Variants in RGS9 observed in about 807,000 individuals in gnomAD.
The protein encoded by RGS9 is regulator of G-protein signalling 9.
In RGS9, 78 loss-of-function variants were observed where a neutral mutation model predicts 102.0. That is an observed-to-expected ratio of 0.76 (90% CI 0.64 to 0.92). The LOEUF is 0.92. Ranked by LOEUF, RGS9 falls within the 40% of genes least tolerant of loss-of-function variation. The probability of loss-of-function intolerance (pLI) is 0.00; values close to 1 mark genes in which losing one functional copy is unlikely to be tolerated. For synonymous variants in RGS9, 353 were observed against 318.6 expected (o/e 1.11, Z -1.15); for missense variants, 833 against 866.1 (o/e 0.96, Z 0.48).
chr17:65,146,086 T>A (rs1193680226), intron 1 of RGS9, among the ~76,000 whole-genome samples: 8 of 152,288 alleles, frequency 5.3e-5, no homozygotes, highest in East Asian at 1.9e-4. Flanking sequence ...GATTTTTTTT[T>A]AAATGCAAAG....
At chr17:65,214,089 G>A (rs1021736646) in intron 17 of RGS9, among the ~76,000 whole-genome samples, 12 of 152,138 alleles carry the variant, frequency 7.9e-5, no homozygotes, top group African/African-American at 2.4e-4. Context: ...AGCTTCCCAG[G>A]TAGCTGGGAC....
At position 65,189,268 on chromosome 17, in the gene RGS9, TG is replaced by T; in HGVS notation, c.655-17del. ...TTTCATGACATCTGCCTAACGGTTT[TG>T]TTTCTTTGTCTTACAGAAACAAACA... On this transcript the variant is annotated splice_polypyrimidine_tract_variant and intron_variant, in intron 9 of 18. Coordinates refer to ENST00000262406, the MANE Select transcript of RGS9 (RefSeq NM_003835.4). 6.2e-7 allele frequency: 1 copy of T among 1,608,672 alleles called. No individual in the cohort carries two copies.
chr17:65,168,040 TA>T (rs141412481), intron 7 of RGS9, among the ~76,000 whole-genome samples, 159 bp from the exon 8 acceptor site: 8,945 of 152,180 alleles, frequency 0.059, 457 homozygotes, highest in African/African-American at 0.14. Flanking sequence ...TGCTAGTACT[TA>T]AGTGAGATGT....
chr17:65,194,178 T>C (rs527749541), intron 12 of RGS9, among the ~76,000 whole-genome samples: 1 of 152,360 alleles, frequency 6.6e-6, no homozygotes, highest in African/African-American at 2.4e-5. Flanking sequence ...CGAGCTTTTT[T>C]CACTTAGCAT....
chr17:65,188,259 C>T (rs1912210599), intron 9 of RGS9, among the ~76,000 whole-genome samples: 1 of 152,108 alleles, frequency 6.6e-6, no homozygotes, highest in Admixed American at 6.5e-5. Flanking sequence ...ACATGAAGCC[C>T]CTCTTGGAAC....
intron 17 of RGS9, among the ~76,000 whole-genome samples, chr17:65,221,565 A>C (rs1027441089): frequency 2.0e-5 from 3 of 152,230 alleles, no homozygotes; most frequent in Non-Finnish European, 4.4e-5. Flanking sequence ...CTATTGCTGC[A>C]TAACAATGAC....
intron 1 of RGS9, among the ~76,000 whole-genome samples, chr17:65,152,148 G>A (rs995341083): frequency 5.9e-5 from 9 of 152,228 alleles, no homozygotes; most frequent in Non-Finnish European, 1.2e-4. Context: ...GGCCTCCTGA[G>A]ACCATCAGAA....
In RGS9 at chr17:65,160,600, GC is replaced by G; in HGVS notation, c.364+17del. On this transcript the variant is annotated intron_variant, in intron 5 of 18. Transcript: ENST00000262406. ...GATACCGATTACGGTAAATACTTCA[GC>G]CCCAACTATGCCTTTGGTAGTGCTT... 6.2e-7 allele frequency: 1 copy of G among 1,613,922 alleles called. No homozygotes were observed. Among genetic ancestry groups the G allele is most frequent in the Non-Finnish European group, 8.5e-7 (1 of 1,179,794 alleles).
In RGS9 at chr17:65,225,195, C is replaced by G; in HGVS notation, c.1601C>G (p.Ser534Trp). 2 of 1,613,318 alleles carry G rather than the reference C, an allele frequency of 1.2e-6. No individual in the cohort carries two copies. Among genetic ancestry groups the G allele is most frequent in the Non-Finnish European group, 1.7e-6 (2 of 1,180,026 alleles). The change falls in exon 18 of 19, where the codon TCG becomes TGG. Residue 534 changes from serine to tryptophan, a missense_variant. Physicochemically the swap from Ser to Trp is radical, Grantham distance 177 (BLOSUM62 -3). Transcript: ENST00000262406. Reference protein sequence around the residue: ...SPIRVALESSSGLEQKGECSG... With the variant: ...SPIRVALESSWGLEQKGECSG... ...ATCAGAGTGGCCTTGGAGAGCTCAT[C>G]GGGCTTGGAGCAGAAAGGGGAGTGC...
intron 17 of RGS9, among the ~76,000 whole-genome samples, chr17:65,212,587 CTG>C (rs1467070903): frequency 2.6e-4 from 39 of 152,136 alleles, no homozygotes; most frequent in Non-Finnish European, 5.3e-4. Context: ...GAGGGGGAAA[CTG>C]TGCAAGATGA....
intron 1 of RGS9, among the ~76,000 whole-genome samples, chr17:65,143,170 G>T (rs1193020946): frequency 1.3e-5 from 2 of 152,184 alleles, no homozygotes; most frequent in East Asian, 1.9e-4. Context: ...CATAACTGGG[G>T]GTGCTCCTGG....
At chr17:65,212,097 T>C (rs905842518) in intron 17 of RGS9, among the ~76,000 whole-genome samples, 2 of 152,228 alleles carry the variant, frequency 1.3e-5, no homozygotes, top group African/African-American at 4.8e-5. Context: ...AAGACTGAAT[T>C]GCAAGGGAGC....
Position 65,160,355 on chromosome 17 carries a change from G to A in RGS9, c.312+16G>A, listed in dbSNP as rs1910933606. The A allele has an allele frequency of 6.3e-7, 1 of 1,599,446 alleles. No homozygotes were observed. Among genetic ancestry groups the A allele is most frequent in the Non-Finnish European group, 8.6e-7 (1 of 1,166,744 alleles). On this transcript the variant is annotated intron_variant, in intron 4 of 18. Transcript: ENST00000262406. The stretch of plus-strand genomic sequence containing the variant: ...CAGATTTCAGGTGAGTCTTGGCCTT[G>A]ACCCTGGCTGTTCATATGGGGTTGA...
At chr17:65,166,605 G>C (rs1451700894) in intron 7 of RGS9, among the ~76,000 whole-genome samples, 1 of 152,116 alleles carries the variant, frequency 6.6e-6, no homozygotes, top group African/African-American at 2.4e-5. Context: ...TAATTCCTAG[G>C]TTACTAACTC....
chr17:65,177,055 GTCCATCCATCCATCCATCCA>G (rs35750645), intron 8 of RGS9, among the ~76,000 whole-genome samples: 2 of 132,842 alleles, frequency 1.5e-5, no homozygotes, highest in Admixed American at 7.4e-5. Flanking sequence ...TCATTTGTTT[GTCCATCCATCCATCCATCCA>G]TCCATCCATC....
Position 65,137,450 on chromosome 17 carries a change from C to A in RGS9, c.-91C>A. ...GCCGCCTCCCCGTCGACGCCCAGGG[C>A]TGGGGCGAGCCAGGCTGCCTTTCGA... On this transcript the variant is annotated 5_prime_UTR_variant, in exon 1 of 19. In the 5' UTR this introduces an upstream ATG that the reference lacks. Coordinates refer to ENST00000262406, the MANE Select transcript of RGS9 (RefSeq NM_003835.4). The A allele has an allele frequency of 7.3e-7, 1 of 1,366,882 alleles. No individual in the cohort carries two copies. Among genetic ancestry groups the A allele is most frequent in the Non-Finnish European group, 1.0e-6 (1 of 968,046 alleles). The allele number at this position is 1,366,882 out of a possible 1,614,324, so 84.7% of individuals were successfully genotyped here.
chr17:65,187,167 C>A (rs1912156218), intron 9 of RGS9, among the ~76,000 whole-genome samples: 1 of 152,070 alleles, frequency 6.6e-6, no homozygotes, highest in South Asian at 2.1e-4. Flanking sequence ...CTTCTAGGCC[C>A]CCAAGCATGC....
chr17:65,159,745 G>A (rs1163533519), intron 3 of RGS9, among the ~76,000 whole-genome samples: 1 of 152,174 alleles, frequency 6.6e-6, no homozygotes, highest in Non-Finnish European at 1.5e-5. Context: ...GGGAAGGAGA[G>A]GAAGGGTCTG....
chr17:65,213,699 C>T (rs1913389890), intron 17 of RGS9, among the ~76,000 whole-genome samples: 1 of 152,114 alleles, frequency 6.6e-6, no homozygotes, highest in Non-Finnish European at 1.5e-5. Flanking sequence ...AGTTATCTCT[C>T]ATTCTCCCAC....
Sources: gnomAD v4.1 joint callset for allele counts (sites outside exome capture counted in the v4.1 genomes callset) on GRCh38, gnomAD v4.1.1 for gene constraint, MANE v1.5 for transcripts, NCBI Gene and HGNC (gene_info 2026-07-23, HGNC 2026-07-21) for gene names.